TTC39C: variants seen among roughly 807,000 people sequenced by gnomAD.
TTC39C encodes the protein tetratricopeptide repeat domain 39C.
In TTC39C, 33 loss-of-function variants were observed where a neutral mutation model predicts 76.3. The observed-to-expected ratio is 0.43, with a 90% confidence interval of 0.33 to 0.58. The LOEUF (loss-of-function observed/expected upper bound fraction) is 0.58. Ranked by LOEUF, TTC39C falls within the 20% of genes least tolerant of loss-of-function variation. TTC39C has a pLI of 0.04. For synonymous variants in TTC39C, 254 were observed against 260.6 expected, an observed-to-expected ratio of 0.97 and a Z score of 0.24; for missense variants, 595 against 701.4, an observed-to-expected ratio of 0.85 and a Z score of 1.71.
At chr18:24,114,819 C>T (rs144845891) in intron 7 of TTC39C, 172 bp downstream of exon 7, 20 of 523,886 alleles carry the variant, frequency 3.8e-5, no homozygotes, top group East Asian at 2.6e-4. Flanking sequence ...ATTCTCATTA[C>T]GTTTTTATAA....
intron 1 of TTC39C, chr18:24,000,346 GGAA>G (rs1328566868): frequency 6.6e-6 from 1 of 152,036 alleles, no homozygotes; most frequent in African/African-American, 2.4e-5. Flanking sequence ...ATGTATAGAG[GGAA>G]GGCAAGGTAA....
At chr18:24,025,268 C>T (rs770082062) in intron 1 of TTC39C, among the ~76,000 whole-genome samples, 2 of 152,202 alleles carry the variant, frequency 1.3e-5, no homozygotes, top group Non-Finnish European at 2.9e-5. Context: ...AATAAATGTA[C>T]TAATGAAATG....
At chr18:24,087,897 G>A (rs1381975099) in intron 6 of TTC39C, among the ~76,000 whole-genome samples, 1 of 152,150 alleles carries the variant, frequency 6.6e-6, no homozygotes, top group Non-Finnish European at 1.5e-5. Context: ...CCTTAGGTTT[G>A]GTTTTTGGAA....
chr18:24,041,518 A>C (rs1298481912), intron 1 of TTC39C, among the ~76,000 whole-genome samples: 1 of 152,160 alleles, frequency 6.6e-6, no homozygotes, highest in African/African-American at 2.4e-5. Context: ...TATAAAATGC[A>C]ACAAGTTTCC....
chr18:24,078,732 C>G (rs1599304344), intron 4 of TTC39C, among the ~76,000 whole-genome samples: 1 of 130,920 alleles, frequency 7.6e-6, no homozygotes, highest in East Asian at 2.3e-4. Context: ...GGGGGCCGAT[C>G]ATGTAGGCAC....
intron 1 of TTC39C, among the ~76,000 whole-genome samples, chr18:24,025,829 A>G (rs1160412609): frequency 6.6e-6 from 1 of 152,206 alleles, no homozygotes; most frequent in Non-Finnish European, 1.5e-5. Context: ...CTTTCTGCAG[A>G]CAAAGTGGGG....
chr18:24,002,071 T>C (rs544866936), intron 1 of TTC39C, among the ~76,000 whole-genome samples: 1 of 152,284 alleles, frequency 6.6e-6, no homozygotes, highest in East Asian at 1.9e-4. Context: ...CAGACATAAG[T>C]TGTTTGCGCA....
At chr18:24,059,142 G>T (rs2084056703) in intron 1 of TTC39C, among the ~76,000 whole-genome samples, 1 of 152,004 alleles carries the variant, frequency 6.6e-6, no homozygotes, top group South Asian at 2.1e-4. Context: ...TAAGCATCTA[G>T]CTTTGTTGCT....
At chr18:24,085,950 G>A (rs527716582) in intron 6 of TTC39C, among the ~76,000 whole-genome samples, 15 of 152,334 alleles carry the variant, frequency 9.8e-5, no homozygotes, top group Non-Finnish European at 7.3e-5. Flanking sequence ...TCCCAGGTAT[G>A]TGTAGGACGG....
chr18:24,077,745 T>G (rs993022519), intron 4 of TTC39C, among the ~76,000 whole-genome samples: 3 of 152,216 alleles, frequency 2.0e-5, no homozygotes, highest in African/African-American at 7.2e-5. Context: ...TCCAATTGCC[T>G]CTGTGCTCTC....
chr18:24,026,504 A>G (rs2083601624), intron 1 of TTC39C, among the ~76,000 whole-genome samples: 1 of 152,180 alleles, frequency 6.6e-6, no homozygotes, highest in Non-Finnish European at 1.5e-5. Flanking sequence ...AAAGCCACAT[A>G]ATGTAGTATG....
At chr18:24,040,874 C>A (rs1015523581) in intron 1 of TTC39C, among the ~76,000 whole-genome samples, 5 of 151,926 alleles carry the variant, frequency 3.3e-5, no homozygotes, top group African/African-American at 1.2e-4. Context: ...AGTGGTGGTA[C>A]TGTATTTTTG....
rs571633625 is a variant in TTC39C, at chr18:24,080,661, T to C, written c.537T>C (p.Leu179=). 1.2e-6 allele frequency: 2 copies of C among 1,614,194 alleles called. No individual in the cohort carries two copies. The highest frequency in any genetic ancestry group is 2.2e-5 in the South Asian group (2 of 91,086). The change falls in exon 5 of 14, where the codon CTT becomes CTC. Residue 179 remains leucine, a synonymous_variant. Transcript: ENST00000317571. ...AATGCTATCTGGACATCAATGCCCT[T>C]CAGGAGCTGTATCAGAAGAAGCTAA... ...YNKCYLDINA[L]QELYQKKLTE...
At chr18:24,016,674 T>G in intron 1 of TTC39C, 1 of 398,620 alleles carries the variant, frequency 2.5e-6, no homozygotes, top group Non-Finnish European at 4.4e-6. Context: ...AGGCAGTATA[T>G]GAGTGGTTGG....
chr18:24,103,866 T>A (rs1368755307), intron 6 of TTC39C, among the ~76,000 whole-genome samples: 2 of 152,048 alleles, frequency 1.3e-5, no homozygotes, highest in African/African-American at 4.8e-5. Flanking sequence ...TTATGTCATG[T>A]CTCTGTACAA....
At chr18:24,039,617 C>T (rs1897149074) in intron 1 of TTC39C, among the ~76,000 whole-genome samples, 1 of 152,212 alleles carries the variant, frequency 6.6e-6, no homozygotes, top group African/African-American at 2.4e-5. Context: ...CAGGTGTGAG[C>T]TGCCATGCCT....
At chr18:24,038,612 A>G (rs1271247023) in intron 1 of TTC39C, among the ~76,000 whole-genome samples, 6 of 152,178 alleles carry the variant, frequency 3.9e-5, no homozygotes, top group Non-Finnish European at 8.8e-5. Flanking sequence ...ATGGAATCAC[A>G]TCATGAGAAC....
intron 1 of TTC39C, chr18:24,020,031 C>CA: frequency 7.1e-7 from 1 of 1,400,114 alleles, no homozygotes; most frequent in Non-Finnish European, 9.2e-7. Context: ...CTAGACAAGT[C>CA]ATCTGCTCAC....
chr18:24,107,632 C>T (rs2084761913), intron 6 of TTC39C, among the ~76,000 whole-genome samples: 1 of 152,212 alleles, frequency 6.6e-6, no homozygotes, highest in African/African-American at 2.4e-5. Flanking sequence ...CCTCCTTCGC[C>T]TTCTGCCATG....
Sources: gnomAD v4.1 joint callset for allele counts (sites outside exome capture counted in the v4.1 genomes callset) on GRCh38, gnomAD v4.1.1 for gene constraint, MANE v1.5 for transcripts, NCBI Gene and HGNC (gene_info 2026-07-23, HGNC 2026-07-21) for gene names.